PSTPIP2: variants seen among roughly 807,000 people sequenced by gnomAD.
PSTPIP2 encodes proline-serine-threonine phosphatase interacting protein 2.
PSTPIP2 carries 33 observed loss-of-function variants against 63.3 expected under a neutral mutation model. The ratio of observed to expected loss-of-function variants is 0.52; its 90% confidence interval spans 0.40 to 0.70. The LOEUF is 0.70. Among genes scored for constraint, PSTPIP2 ranks in the 30% least tolerant of loss-of-function variants. The pLI, the probability that PSTPIP2 is intolerant of heterozygous loss-of-function variation, is 0.00. For missense variants in PSTPIP2, 312 were observed against 400.7 expected (o/e 0.78, Z 1.89); for synonymous variants, 125 against 132.7 (o/e 0.94, Z 0.40).
In PSTPIP2 at chr18:45,984,318, C is replaced by T. The variant is rs778031926; in HGVS notation, c.*1141G>A. 1.3e-5 allele frequency: 2 copies of T among 152,128 alleles called. No homozygotes were observed. The highest frequency in any genetic ancestry group is 2.9e-5 in the Non-Finnish European group (2 of 68,024). 9.4% of individuals were successfully genotyped at this position (152,128 alleles called of 1,614,324 possible). Reference sequence around the variant, plus strand: ...CAATAACTAAAAGGTACCATTTTCTCATAGTGCACAGGTGTTGTACAAAAA... The same window carrying T: ...CAATAACTAAAAGGTACCATTTTCTTATAGTGCACAGGTGTTGTACAAAAA... On this transcript the variant is annotated 3_prime_UTR_variant, in exon 15 of 15. Transcript: ENST00000409746.
chr18:46,011,371 A>G, intron 4 of PSTPIP2, 84 bp from the exon 5 acceptor site: 3 of 1,073,544 alleles, frequency 2.8e-6, no homozygotes, highest in Non-Finnish European at 4.1e-6. Context: ...AAATATGTAT[A>G]TACAAAATAC....
chr18:46,033,597 C>T (rs1398547314), intron 2 of PSTPIP2, among the ~76,000 whole-genome samples: 9 of 150,952 alleles, frequency 6.0e-5, no homozygotes, highest in Non-Finnish European at 8.8e-5. Flanking sequence ...ACTTAGGAGG[C>T]TGAGGCAGGA....
chr18:46,070,217 G>A (rs1242928021), intron 1 of PSTPIP2, among the ~76,000 whole-genome samples: 12 of 152,136 alleles, frequency 7.9e-5, no homozygotes, highest in Admixed American at 7.2e-4. Flanking sequence ...CCAAGGGGCG[G>A]GGCCATCTCC....
intron 2 of PSTPIP2, among the ~76,000 whole-genome samples, chr18:46,031,522 A>T (rs1907786818): frequency 6.6e-6 from 1 of 152,200 alleles, no homozygotes; most frequent in African/African-American, 2.4e-5. Context: ...ATAGAAAAAG[A>T]TGCATCTTAA....
chr18:46,025,963 C>G (rs1231726288), intron 2 of PSTPIP2, among the ~76,000 whole-genome samples: 1 of 152,198 alleles, frequency 6.6e-6, no homozygotes, highest in Non-Finnish European at 1.5e-5. Flanking sequence ...CCATGTTGGC[C>G]AGGCTGGTCT....
chr18:46,045,927 G>C (rs924271130), intron 1 of PSTPIP2, among the ~76,000 whole-genome samples: 3 of 152,182 alleles, frequency 2.0e-5, no homozygotes, highest in Admixed American at 6.5e-5. Flanking sequence ...CTGGATGACA[G>C]AGCAAGCGCC....
At chr18:46,057,326 T>C (rs1391424573) in intron 1 of PSTPIP2, among the ~76,000 whole-genome samples, 5 of 151,580 alleles carry the variant, frequency 3.3e-5, no homozygotes, top group Non-Finnish European at 7.4e-5. Context: ...TTTTTTCTTT[T>C]CTTTTTCTTT....
intron 4 of PSTPIP2, among the ~76,000 whole-genome samples, chr18:46,014,868 T>C (rs926940151): frequency 4.6e-5 from 7 of 152,046 alleles, no homozygotes; most frequent in Non-Finnish European, 8.8e-5. Flanking sequence ...CCTTAGAGAG[T>C]TCTGGACTGA....
chr18:46,001,625 T>C (rs1004517351), intron 6 of PSTPIP2, among the ~76,000 whole-genome samples: 3 of 152,220 alleles, frequency 2.0e-5, no homozygotes, highest in Non-Finnish European at 2.9e-5. Context: ...TCCGTAACTC[T>C]TTTTATCTTA....
chr18:46,014,539 C>T (rs1421117648), intron 4 of PSTPIP2, among the ~76,000 whole-genome samples: 1 of 152,118 alleles, frequency 6.6e-6, no homozygotes, highest in East Asian at 1.9e-4. Flanking sequence ...CATAGTGACA[C>T]CCCATCTCTA....
chr18:46,050,870 T>C (rs918376933), intron 1 of PSTPIP2, among the ~76,000 whole-genome samples: 1 of 149,604 alleles, frequency 6.7e-6, no homozygotes, highest in African/African-American at 2.5e-5. Flanking sequence ...TGCATTCTTT[T>C]TTTTTTTTTT....
At chr18:46,016,505 A>G (rs2144088090) in intron 3 of PSTPIP2, among the ~76,000 whole-genome samples, 1 of 152,340 alleles carries the variant, frequency 6.6e-6, no homozygotes, top group East Asian at 1.9e-4. Flanking sequence ...ACCATAAACC[A>G]TGGGCCAGGC....
intron 1 of PSTPIP2, among the ~76,000 whole-genome samples, chr18:46,052,635 T>C (rs1308087847): frequency 6.6e-6 from 1 of 152,204 alleles, no homozygotes; most frequent in Non-Finnish European, 1.5e-5. Context: ...GTTTCTCCCA[T>C]CTTATCCATC....
chr18:45,991,959 T>C lies in PSTPIP2; in HGVS notation c.863A>G (p.Tyr288Cys). ...PPAPIMYENF[Y>C]SSQKNAVPAG... ...TGGGACTGCATTCTTCTGGGAGGAG[T>C]AGAAATTCTCATACATGATGGGTGC... Residue 288 changes from tyrosine to cysteine, a missense_variant, in exon 12 of 15, where the codon TAC becomes TGC. Tyr to Cys is a radical substitution (Grantham distance 194). Transcript: ENST00000409746. 6.2e-7 allele frequency: 1 copy of C among 1,613,382 alleles called. No homozygotes were observed. Among genetic ancestry groups the C allele is most frequent in the Non-Finnish European group, 8.5e-7 (1 of 1,179,528 alleles).
At position 46,001,677 on chromosome 18, in the gene PSTPIP2, C is replaced by T. The variant is rs182447294; in HGVS notation, c.418-2143G>A. Among the ~76,000 whole-genome samples the T allele has an allele frequency of 1.4e-4, 22 of 152,284 alleles. No individual in the cohort carries two copies. In the East Asian group the frequency reaches 4.2e-3, roughly 29 times the overall value. ...TGCCCGTTAAACAATAACATCTCAA[C>T]TTCTTCTTTCCCCAGCCCTTAGCAA... is the stretch of plus-strand genomic sequence containing the variant. On this transcript the variant is annotated intron_variant, in intron 6 of 14. Coordinates refer to ENST00000409746, the MANE Select transcript of PSTPIP2 (RefSeq NM_024430.4).
At position 45,992,025 on chromosome 18, in the gene PSTPIP2, T is replaced by A. The variant is rs765149024; in HGVS notation, c.839-42A>T. On this transcript the variant is annotated intron_variant, in intron 11 of 14. Coordinates refer to ENST00000409746, the MANE Select transcript of PSTPIP2 (RefSeq NM_024430.4). ...GAAACAGGACATGAAGAGGCAGGCGTCTTTCATCCTTAATGACATCTAACA... is the reference window on the plus strand; with the variant it reads ...GAAACAGGACATGAAGAGGCAGGCGACTTTCATCCTTAATGACATCTAACA... 2.7e-5 allele frequency: 43 copies of A among 1,594,182 alleles called. No individual in the cohort carries two copies. In the South Asian group the frequency reaches 4.0e-4, roughly 15 times the overall value.
chr18:46,013,317 G>A (rs2051820309), intron 4 of PSTPIP2, among the ~76,000 whole-genome samples: 1 of 152,078 alleles, frequency 6.6e-6, no homozygotes, highest in South Asian at 2.1e-4. Context: ...AAGTTAATAT[G>A]AATATTTAGC....
Position 45,985,139 on chromosome 18 carries a change from C to T in PSTPIP2, c.*320G>A, listed in dbSNP as rs566665117. Reference sequence around the variant, plus strand: ...TCAGAATCCTCTGCTGCCACCTCTGCTCCTCAAGTGGATGCTCCAAATCCA... The same window carrying T: ...TCAGAATCCTCTGCTGCCACCTCTGTTCCTCAAGTGGATGCTCCAAATCCA... On this transcript the variant is annotated 3_prime_UTR_variant, in exon 15 of 15. Coordinates refer to ENST00000409746, the MANE Select transcript of PSTPIP2 (RefSeq NM_024430.4). 9 of 378,090 alleles carry T rather than the reference C, an allele frequency of 2.4e-5. No individual in the cohort carries two copies. The highest frequency in any genetic ancestry group is 4.2e-5 in the Non-Finnish European group (9 of 213,430). The allele number at this position is 378,090 out of a possible 1,614,324, so 23.4% of individuals were successfully genotyped here.
intron 3 of PSTPIP2, among the ~76,000 whole-genome samples, chr18:46,020,926 G>C (rs1334389234): frequency 6.6e-6 from 1 of 152,182 alleles, no homozygotes; most frequent in Admixed American, 6.6e-5. Context: ...ATATCATTTC[G>C]GGTCAGATTC....
Sources: allele counts gnomAD v4.1 joint callset (sites outside exome capture counted in the v4.1 genomes callset), GRCh38; gene constraint gnomAD v4.1.1; transcripts MANE v1.5; gene names NCBI Gene and HGNC (gene_info 2026-07-23, HGNC 2026-07-21).